The following ZNF644 variants were observed in gnomAD, a reference collection of about 807,000 sequenced individuals.
ZNF644 encodes the protein zinc finger protein 644.
A neutral mutation model predicts 108.0 loss-of-function variants in ZNF644; 20 were observed. The ratio of observed to expected loss-of-function variants is 0.19; its 90% CI spans 0.13 to 0.27. The LOEUF (loss-of-function observed/expected upper bound fraction) is 0.27, where lower values mean the gene tolerates loss of function less well. Ranked by LOEUF, ZNF644 falls within the 10% of genes least tolerant of loss-of-function variation. The probability of loss-of-function intolerance (pLI) is 1.00; values close to 1 mark genes in which losing one functional copy is unlikely to be tolerated. For synonymous variants in ZNF644, 542 were observed against 539.1 expected, an observed-to-expected ratio of 1.01 and a Z score of -0.08; for missense variants, 1,338 against 1,548.9, an observed-to-expected ratio of 0.86 and a Z score of 2.29.
intron 1 of ZNF644, among the ~76,000 whole-genome samples, chr1:91,015,241 GAA>G (rs1194818023): frequency 4.6e-5 from 7 of 152,072 alleles, no homozygotes; most frequent in Admixed American, 1.3e-4. Flanking sequence ...GTTGGTGGTA[GAA>G]AGAAAATTAA....
intron 4 of ZNF644, among the ~76,000 whole-genome samples, chr1:90,926,332 C>T (rs536871833): frequency 1.4e-4 from 22 of 152,114 alleles, no homozygotes; most frequent in African/African-American, 4.3e-4. Context: ...CTTGTGTGCA[C>T]CCCCTCATGA....
chr1:91,016,004 C>T (rs1054523442), intron 1 of ZNF644, among the ~76,000 whole-genome samples: 4 of 152,200 alleles, frequency 2.6e-5, no homozygotes, highest in African/African-American at 9.7e-5. Flanking sequence ...AGTGCTCACA[C>T]AGCTAAATCT....
At chr1:90,985,483 G>C (rs1415885385) in intron 1 of ZNF644, among the ~76,000 whole-genome samples, 1 of 152,020 alleles carries the variant, frequency 6.6e-6, no homozygotes, top group Admixed American at 6.6e-5. Flanking sequence ...CCAGCCTCAG[G>C]TAAACACCAT....
At chr1:90,947,559 A>G (rs1433989101) in intron 2 of ZNF644, among the ~76,000 whole-genome samples, 1 of 152,142 alleles carries the variant, frequency 6.6e-6, no homozygotes, top group African/African-American at 2.4e-5. Flanking sequence ...TTGTCATTTT[A>G]CTTTGAGCCT....
intron 2 of ZNF644, among the ~76,000 whole-genome samples, chr1:90,969,092 A>T (rs1655211456): frequency 6.6e-6 from 1 of 152,242 alleles, no homozygotes; most frequent in African/African-American, 2.4e-5. Context: ...GCAATGTTAC[A>T]GATTGAATTG....
intron 2 of ZNF644, among the ~76,000 whole-genome samples, chr1:90,967,969 G>T (rs942494595): frequency 2.0e-5 from 3 of 147,728 alleles, no homozygotes; most frequent in Non-Finnish European, 4.5e-5. Context: ...GCTGAGGCAG[G>T]AGAATTGCTT....
Position 90,916,638 on chromosome 1 carries a change from A to T in ZNF644, c.*160T>A. 1 of 736,870 alleles carries T rather than the reference A, an allele frequency of 1.4e-6. No individual in the cohort carries two copies. 45.6% of individuals were successfully genotyped at this position (736,870 alleles called of 1,614,324 possible). ...CCTATATAAAATATATAGACTACTT[A>T]CTGTTTTAAGTATTCAATTTGCTCT... On this transcript the variant is annotated 3_prime_UTR_variant, in exon 6 of 6. Coordinates refer to ENST00000337393, the MANE Select transcript of ZNF644 (RefSeq NM_201269.3).
At chr1:90,990,561 C>A (rs1438494645) in intron 1 of ZNF644, among the ~76,000 whole-genome samples, 1 of 152,162 alleles carries the variant, frequency 6.6e-6, no homozygotes, top group Non-Finnish European at 1.5e-5. Context: ...TATGCAGAAT[C>A]TGGTGGTAAT....
intron 1 of ZNF644, among the ~76,000 whole-genome samples, chr1:90,991,480 T>C (rs1657630077): frequency 6.6e-6 from 1 of 152,196 alleles, no homozygotes; most frequent in Admixed American, 6.5e-5. Context: ...GATGTATTAG[T>C]CCATTCTCAC....
At chr1:90,924,110 T>G (rs1466912194) in intron 4 of ZNF644, among the ~76,000 whole-genome samples, 1 of 152,154 alleles carries the variant, frequency 6.6e-6, no homozygotes, top group African/African-American at 2.4e-5. Flanking sequence ...CACATTTTTA[T>G]AAACAGGAAT....
At chr1:90,943,648 T>G (rs1387544317) in intron 2 of ZNF644, among the ~76,000 whole-genome samples, 1 of 152,148 alleles carries the variant, frequency 6.6e-6, no homozygotes, top group African/African-American at 2.4e-5. Context: ...TGTTTTGAGA[T>G]TGGCAAACTT....
chr1:91,013,460 C>CAA (rs1660150866), intron 1 of ZNF644, among the ~76,000 whole-genome samples: 1 of 146,044 alleles, frequency 6.8e-6, no homozygotes, highest in African/African-American at 2.6e-5. Flanking sequence ...CTCACACACA[C>CAA]ACACACACAC....
At chr1:91,003,326 A>G (rs1659073095) in intron 1 of ZNF644, among the ~76,000 whole-genome samples, 2 of 152,236 alleles carry the variant, frequency 1.3e-5, no homozygotes, top group African/African-American at 4.8e-5. Context: ...TGTGGCACAT[A>G]TATACCATGG....
At chr1:90,991,637 C>T (rs568640422) in intron 1 of ZNF644, among the ~76,000 whole-genome samples, 10 of 152,224 alleles carry the variant, frequency 6.6e-5, no homozygotes, top group Admixed American at 2.6e-4. Flanking sequence ...GGGAAGCAAG[C>T]GCATCTTACC....
chr1:90,917,926 GT>G, intron 5 of ZNF644, 125 bp downstream of exon 5: 1 of 797,342 alleles, frequency 1.3e-6, no homozygotes, highest in Non-Finnish European at 2.2e-6. Context: ...ATCTCCAAAA[GT>G]TCATTTATAA....
At chr1:91,018,009 C>T (rs1273717353) in intron 1 of ZNF644, among the ~76,000 whole-genome samples, 1 of 152,138 alleles carries the variant, frequency 6.6e-6, no homozygotes, top group Non-Finnish European at 1.5e-5. Flanking sequence ...CATGGTTCAA[C>T]TTGGCAGATC....
chr1:90,934,237 T>A (rs1429038619), intron 4 of ZNF644, among the ~76,000 whole-genome samples: 1 of 152,168 alleles, frequency 6.6e-6, no homozygotes, highest in Non-Finnish European at 1.5e-5. Flanking sequence ...TGGTCATTTG[T>A]ATATCAAGTT....
intron 4 of ZNF644, among the ~76,000 whole-genome samples, chr1:90,921,777 T>C (rs1649468511): frequency 6.6e-6 from 1 of 151,996 alleles, no homozygotes; most frequent in Non-Finnish European, 1.5e-5. Context: ...AGTAAGATAT[T>C]TGTCTTGGTC....
At chr1:90,990,749 C>T (rs905620854) in intron 1 of ZNF644, among the ~76,000 whole-genome samples, 16 of 152,244 alleles carry the variant, frequency 1.1e-4, no homozygotes, top group Admixed American at 8.5e-4. Context: ...AGGGAATTGC[C>T]CTAGTCTTAC....
Sources: allele counts gnomAD v4.1 joint callset (sites outside exome capture counted in the v4.1 genomes callset), GRCh38; gene constraint gnomAD v4.1.1; transcripts MANE v1.5; gene names NCBI Gene and HGNC (gene_info 2026-07-23, HGNC 2026-07-21).